ERCC2: variants seen among roughly 807,000 people sequenced by gnomAD.
ERCC2 encodes general transcription and DNA repair factor IIH helicase subunit XPD.
A neutral mutation model predicts 99.4 loss-of-function variants in ERCC2; 90 were observed. The observed-to-expected ratio is 0.91, with a 90% CI of 0.76 to 1.08. The LOEUF (loss-of-function observed/expected upper bound fraction) is 1.08. ERCC2 is among the 50% of genes least tolerant of loss of function. ERCC2 has a pLI of 0.00. For synonymous variants in ERCC2, 497 were observed against 432.4 expected, an observed-to-expected ratio of 1.15 and a Z score of -1.85; for missense variants, 993 against 1,038.1, an observed-to-expected ratio of 0.96 and a Z score of 0.60.
rs374133290 is a variant in ERCC2, at chr19:45,352,645, C to T, written c.1907G>A (p.Arg636Gln). 3 of 1,613,934 alleles carry T rather than the reference C, an allele frequency of 1.9e-6. No homozygotes were observed. The highest frequency in any genetic ancestry group is 4.5e-5 in the East Asian group (2 of 44,874). ...VYTQSRILKA[R>Q]LEYLRDQFQI... ...GAACTGGTCCCGCAGGTATTCCAGCCGCGCCTGCAGATACGGAGGATGAGA... is the reference window on the plus strand; with the variant it reads ...GAACTGGTCCCGCAGGTATTCCAGCTGCGCCTGCAGATACGGAGGATGAGA... The change falls in exon 21 of 23, where the codon CGG becomes CAG. Residue 636 changes from arginine (R) to glutamine (Q), a missense_variant. Physicochemically the swap from Arg to Gln is conservative, Grantham distance 43. This residue lies in a region of ERCC2 where 909 missense variants were observed against 930.8 expected (regional missense o/e 0.98). Coordinates refer to ENST00000391945, the MANE Select transcript of ERCC2 (RefSeq NM_000400.4).
chr19:45,358,660 G>C, intron 12 of ERCC2: 1 of 617,248 alleles, frequency 1.6e-6, no homozygotes, highest in Non-Finnish European at 2.9e-6. Flanking sequence ...TCCCAAGGCT[G>C]CTCCATTTGG....
At chr19:45,365,734 T>C (rs999610542) in intron 5 of ERCC2, among the ~76,000 whole-genome samples, 46 of 151,734 alleles carry the variant, frequency 3.0e-4, no homozygotes, top group Admixed American at 5.9e-4. Context: ...GAGGTTGCAG[T>C]GAGCCGAGAT....
Position 45,364,086 on chromosome 19 carries a change from G to A in ERCC2, c.849C>T (p.Asp283=), listed in dbSNP as rs1972331964. 4.4e-6 allele frequency: 7 copies of A among 1,601,702 alleles called. No homozygotes were observed. The East Asian group carries it at 1.1e-4, about 26-fold the overall frequency. The change falls in exon 10 of 23, where the codon GAC becomes GAT. Residue 283 remains aspartate, a synonymous_variant. Coordinates refer to ENST00000391945, the MANE Select transcript of ERCC2 (RefSeq NM_000400.4). The part of the protein sequence containing the change: ...IKETDEQRLR[D]EYRRLVEGLR... ...GCCCCTCCACCAGACGCCGGTACTC[G>A]TCCCGCAGGCGCTGCTCGTCTGTCT...
rs770343013 is a variant in ERCC2 at position 45,351,596 on chromosome 19, A to C, written c.*33T>G. 6.2e-7 allele frequency: 1 copy of C among 1,612,694 alleles called. No individual in the cohort carries two copies. Among genetic ancestry groups the C allele is most frequent in the Admixed American group, 1.7e-5 (1 of 60,024 alleles). On this transcript the variant is annotated 3_prime_UTR_variant, in exon 23 of 23. Transcript: ENST00000391945. ...CAGGGCCAGGCAAGACTCAGGAGTC[A>C]CCAGGAACCGTTTATGGCCCCACCC...
chr19:45,364,371 G>A, intron 8 of ERCC2, 40 bp from the exon 9 acceptor site: 3 of 1,613,828 alleles, frequency 1.9e-6, no homozygotes, highest in Non-Finnish European at 2.5e-6. Context: ...CAGGCCTGCA[G>A]GGGCCTCACT....
At chr19:45,353,539 T>C (rs1446236745) in intron 17 of ERCC2, among the ~76,000 whole-genome samples, 1 of 152,076 alleles carries the variant, frequency 6.6e-6, no homozygotes, top group African/African-American at 2.4e-5. Context: ...GCTGGATAAG[T>C]GGGGCAGGCA....
At chr19:45,369,237 C>T in intron 2 of ERCC2, 90 bp from the exon 3 acceptor site, 1 of 991,994 alleles carries the variant, frequency 1.0e-6, no homozygotes, top group South Asian at 1.3e-5. Context: ...CCCAATGCCA[C>T]CAACTCAGAA....
chr19:45,370,560 A>C lies in ERCC2; in HGVS notation c.-20T>G, dbSNP rs1228452876. On this transcript the variant is annotated 5_prime_UTR_variant, in exon 1 of 23. Coordinates refer to ENST00000391945, the MANE Select transcript of ERCC2 (RefSeq NM_000400.4). ...CTTCATGGCGCCGGCCGGACTGTGC[A>C]GCGGGGTCGACCCGCCTCCCTCATG... The C allele has an allele frequency of 6.3e-7, 1 of 1,574,996 alleles. No homozygotes were observed. The highest frequency in any genetic ancestry group is 8.6e-7 in the Non-Finnish European group (1 of 1,165,020).
In ERCC2 at chr19:45,352,552, G is replaced by C; in HGVS notation, c.2000C>G (p.Ala667Gly). The C allele has an allele frequency of 6.2e-7, 1 of 1,614,156 alleles. No homozygotes were observed. The highest frequency in any genetic ancestry group is 8.5e-7 in the Non-Finnish European group (1 of 1,180,038). ...GCCGTAGTCCGTCTTGCCCCTGATG[G>C]CCCGACCCACACACTGGGCCGCGTG... ...MRHAAQCVGR[A>G]IRGKTDYGLM... Residue 667 changes from alanine (A) to glycine (G), a missense_variant, in exon 21 of 23, where the codon GCC (alanine) becomes GGC (glycine). Ala to Gly is a moderately conservative substitution (Grantham distance 60, BLOSUM62 0). Transcript: ENST00000391945.
At position 45,351,245 on chromosome 19, in the gene ERCC2, CCCTCA is replaced by C. The variant is rs67785924; in HGVS notation, c.*379_*383del. 557,779 of 1,602,400 alleles carry C rather than the reference CCCTCA, an allele frequency of 0.35. 101,643 individuals are homozygous for C. The highest frequency in any genetic ancestry group is 0.39 in the Middle Eastern group (2,347 of 6,012). Reference sequence around the variant, plus strand: ...GCTGGAGGGTGGATGTAACACTTGCCCCTCACCTCCCCTCCAACCATCCCCTGTGC... The same window carrying C: ...GCTGGAGGGTGGATGTAACACTTGCCCCTCCCCTCCAACCATCCCCTGTGC... On this transcript the variant is annotated 3_prime_UTR_variant, in exon 23 of 23. Transcript: ENST00000391945.
At chr19:45,367,390 CACACACACACAT>C (rs1972463715) in intron 5 of ERCC2, among the ~76,000 whole-genome samples, 1 of 151,654 alleles carries the variant, frequency 6.6e-6, no homozygotes, top group African/African-American at 2.4e-5. Flanking sequence ...CACACACACA[CACACACACACAT>C]ATAAAAACAT....
chr19:45,363,757 C>G lies in ERCC2; in HGVS notation c.1104G>C (p.Gln368His), dbSNP rs1227321118. 2.0e-6 allele frequency: 3 copies of G among 1,535,292 alleles called. No homozygotes were observed. The highest frequency in any genetic ancestry group is 1.7e-6 in the Non-Finnish European group (2 of 1,147,048). The change falls in exon 11 of 23, where the codon CAG (glutamine) becomes CAC (histidine). Residue 368 changes from glutamine to histidine, a missense_variant. Physicochemically the swap from Gln to His is conservative, Grantham distance 24. Coordinates refer to ENST00000391945, the MANE Select transcript of ERCC2 (RefSeq NM_000400.4). ...TGGGGCCGCACCTGAGGGGCTTGCG[C>G]TGGATGCACACGCGCTGGGCCAGGC... ...LSGLAQRVCIQRKPLRFCAER... is the reference protein window; with the variant it reads ...LSGLAQRVCIHRKPLRFCAER...
chr19:45,351,197 T>C lies in ERCC2; in HGVS notation c.*432A>G. 1.3e-6 allele frequency: 2 copies of C among 1,585,718 alleles called. No individual in the cohort carries two copies. The highest frequency in any genetic ancestry group is 1.1e-5 in the South Asian group (1 of 87,366). On this transcript the variant is annotated 3_prime_UTR_variant, in exon 23 of 23. Transcript: ENST00000391945. ...GGGTAGAGGCGAGGGGGTTGGATAG[T>C]TGGCTGCCAGGCTGGACCTGGAGCT...
At chr19:45,356,888 AGAGACG>A (rs1179366685) in intron 15 of ERCC2, among the ~76,000 whole-genome samples, 4 of 152,314 alleles carry the variant, frequency 2.6e-5, no homozygotes, top group Middle Eastern at 3.4e-3. Context: ...CACGTGTTAC[AGAGACG>A]GAGACGGAGA....
rs369834091 is a variant in ERCC2, at chr19:45,361,493, G to C, written c.1237+31C>G. On this transcript the variant is annotated intron_variant, in intron 12 of 22. Coordinates refer to ENST00000391945, the MANE Select transcript of ERCC2 (RefSeq NM_000400.4). ...GGACCCTGATTCCAGCTGCTAGGAG[G>C]CCCAGCAGGGACAGAAAAAGGTGAG... The C allele has an allele frequency of 1.1e-4, 163 of 1,451,974 alleles. No homozygotes were observed. In the African/African-American group the frequency reaches 1.8e-3, roughly 16 times the overall value. 89.9% of individuals were successfully genotyped at this position (1,451,974 alleles called of 1,614,324 possible).
chr19:45,354,632 C>T, intron 17 of ERCC2, 98 bp downstream of exon 17: 1 of 1,523,244 alleles, frequency 6.6e-7, no homozygotes, highest in South Asian at 1.1e-5. Context: ...ACACAGGAAA[C>T]CTGTCACCAT....
chr19:45,349,958 G>C lies in ERCC2; in HGVS notation c.*1671C>G. 1 of 414,014 alleles carries C rather than the reference G, an allele frequency of 2.4e-6. No individual in the cohort carries two copies. Among genetic ancestry groups the C allele is most frequent in the Non-Finnish European group, 4.4e-6 (1 of 229,664 alleles). 25.6% of individuals were successfully genotyped at this position (414,014 alleles called of 1,614,324 possible). Reference sequence around the variant, plus strand: ...AGCTGTCGCTCCACTTTGCGTGTGGGAAGACTGAGGCACCGAGGCCATGCC... The same window carrying C: ...AGCTGTCGCTCCACTTTGCGTGTGGCAAGACTGAGGCACCGAGGCCATGCC... On this transcript the variant is annotated 3_prime_UTR_variant, in exon 23 of 23. Transcript: ENST00000391945.
chr19:45,357,574 G>T, intron 13 of ERCC2, 31 bp from the exon 14 acceptor site: 1 of 1,614,016 alleles, frequency 6.2e-7, no homozygotes, highest in Non-Finnish European at 8.5e-7. Flanking sequence ...TGAGGGCCCG[G>T]GGGGCTGGGC....
In ERCC2 at chr19:45,349,880, C is replaced by G. The variant is rs1971633324; in HGVS notation, c.*1749G>C. On this transcript the variant is annotated 3_prime_UTR_variant, in exon 23 of 23. Transcript: ENST00000391945. ...ATTGAGCTCACTGTGGCCGGCTCCC[C>G]TCTTAGCCCGGTCCCCACATCGCTA... The G allele has an allele frequency of 2.1e-6, 1 of 483,118 alleles. No homozygotes were observed. The highest frequency in any genetic ancestry group is 2.0e-5 in the African/African-American group (1 of 51,122). 29.9% of individuals were successfully genotyped at this position (483,118 alleles called of 1,614,324 possible).
Sources: allele counts gnomAD v4.1 joint callset (sites outside exome capture counted in the v4.1 genomes callset), GRCh38; gene constraint gnomAD v4.1.1; regional missense constraint gnomAD v4.1.1; transcripts MANE v1.5; gene names NCBI Gene and HGNC (gene_info 2026-07-23, HGNC 2026-07-21).